CNTNAP5: variants seen among roughly 807,000 people sequenced by gnomAD.
CNTNAP5 encodes contactin-associated protein-like 5.
Under a neutral mutation model 150.2 loss-of-function variants are expected in CNTNAP5, and 72 were observed. That is an observed-to-expected ratio of 0.48 (90% CI 0.40 to 0.58). The LOEUF is 0.58. Ranked by LOEUF, CNTNAP5 falls within the 20% of genes least tolerant of loss-of-function variation. The pLI is 0.00. For missense variants in CNTNAP5, 1,636 were observed against 1,626.2 expected (o/e 1.01, Z -0.10); for synonymous variants, 672 against 619.8 (o/e 1.08, Z -1.25).
At chr2:124,725,590 T>C (rs72978585) in intron 13 of CNTNAP5, among the ~76,000 whole-genome samples, 1,705 of 152,006 alleles carry the variant, frequency 0.011, 41 homozygotes, top group African/African-American at 0.039. Context: ...ACTTAAGATT[T>C]ACTCTTTTGG....
chr2:124,642,886 A>G (rs1678122952), intron 12 of CNTNAP5, among the ~76,000 whole-genome samples: 1 of 152,184 alleles, frequency 6.6e-6, no homozygotes. Flanking sequence ...CAAAATCACA[A>G]TGCAACTTGG....
At chr2:124,216,375 T>TA (rs1299621231) in intron 1 of CNTNAP5, among the ~76,000 whole-genome samples, 1 of 152,158 alleles carries the variant, frequency 6.6e-6, no homozygotes, top group East Asian at 1.9e-4. Flanking sequence ...TTTTTAAGTT[T>TA]AAAAAATTCT....
chr2:124,193,612 C>T (rs1685508748), intron 1 of CNTNAP5, among the ~76,000 whole-genome samples: 1 of 152,194 alleles, frequency 6.6e-6, no homozygotes, highest in Non-Finnish European at 1.5e-5. Context: ...AAGCAAACAC[C>T]TTGTTATGAT....
In CNTNAP5 at chr2:124,370,606, A is replaced by G. The variant is rs535140181; in HGVS notation, c.382-46837A>G. Among the ~76,000 whole-genome samples, 23 of 152,238 alleles carry G rather than the reference A, an allele frequency of 1.5e-4. 1 individual carries two copies. In the South Asian group the frequency reaches 4.8e-3, roughly 32 times the overall value. On this transcript the variant is annotated intron_variant, in intron 3 of 23. Transcript: ENST00000682447. ...TTCCACTCCAGATCAAGGAACGGTA[A>G]ATTAGGGAAATAATGAATACGAAGT... is the stretch of plus-strand genomic sequence containing the variant.
intron 13 of CNTNAP5, among the ~76,000 whole-genome samples, chr2:124,658,204 G>T (rs1187128331): frequency 6.6e-6 from 1 of 152,136 alleles, no homozygotes. Flanking sequence ...GACCCTGGTG[G>T]GAGGAGAGCA....
chr2:124,883,870 G>T lies in CNTNAP5; in HGVS notation c.3436+14108G>T, dbSNP rs555793885. The stretch of plus-strand genomic sequence containing the variant: ...TGGATATCTATGTTTCTGCGTAGTT[G>T]TGTATATACATATGTCTGTGTGTGT... On this transcript the variant is annotated intron_variant, in intron 21 of 23. Transcript: ENST00000682447. 3.2e-4 allele frequency among the ~76,000 whole-genome samples: 49 copies of T among 152,224 alleles called. 1 individual carries two copies. The highest frequency in any genetic ancestry group is 5.6e-4 in the Non-Finnish European group (38 of 67,996).
chr2:124,536,497 C>A (rs543296883), intron 10 of CNTNAP5, among the ~76,000 whole-genome samples: 3 of 152,174 alleles, frequency 2.0e-5, no homozygotes, highest in Non-Finnish European at 4.4e-5. Context: ...AATTTGAGAA[C>A]CACCACGTTG....
intron 21 of CNTNAP5, among the ~76,000 whole-genome samples, chr2:124,888,256 T>C (rs1263608874): frequency 2.6e-5 from 4 of 152,168 alleles, no homozygotes; most frequent in Non-Finnish European, 5.9e-5. Context: ...GCTGTATCCA[T>C]GTTGCTGCAA....
intron 21 of CNTNAP5, among the ~76,000 whole-genome samples, chr2:124,886,166 G>T (rs1678075572): frequency 6.6e-6 from 1 of 152,152 alleles, no homozygotes; most frequent in South Asian, 2.1e-4. Flanking sequence ...TCCTACATTT[G>T]TGTATCCAAG....
At chr2:124,075,553 G>A (rs1682417173) in intron 1 of CNTNAP5, among the ~76,000 whole-genome samples, 1 of 152,018 alleles carries the variant, frequency 6.6e-6, no homozygotes. Context: ...TCTCCATTTG[G>A]CTTCCATTTA....
intron 1 of CNTNAP5, among the ~76,000 whole-genome samples, chr2:124,176,104 A>G (rs549429470): frequency 6.6e-6 from 1 of 152,256 alleles, no homozygotes; most frequent in African/African-American, 2.4e-5. Context: ...TTGCTTCCCC[A>G]TTTCCAGGAT....
intron 18 of CNTNAP5, among the ~76,000 whole-genome samples, chr2:124,797,547 A>G (rs1481864108): frequency 6.6e-6 from 1 of 152,142 alleles, no homozygotes; most frequent in Non-Finnish European, 1.5e-5. Context: ...TAAATTTCTT[A>G]TTTGCTGTTT....
At chr2:124,714,653 A>T (rs184555710) in intron 13 of CNTNAP5, among the ~76,000 whole-genome samples, 2 of 151,958 alleles carry the variant, frequency 1.3e-5, no homozygotes, top group African/African-American at 4.8e-5. Flanking sequence ...GAGTTCAATA[A>T]ATATATATTT....
intron 7 of CNTNAP5, among the ~76,000 whole-genome samples, chr2:124,480,301 T>C (rs1202385983): frequency 2.0e-5 from 3 of 152,264 alleles, no homozygotes; most frequent in Non-Finnish European, 4.4e-5. Flanking sequence ...AAGTGTTGCC[T>C]GATAGGCTTG....
At chr2:124,512,383 T>C (rs190963755) in intron 8 of CNTNAP5, among the ~76,000 whole-genome samples, 2 of 151,622 alleles carry the variant, frequency 1.3e-5, no homozygotes, top group African/African-American at 4.8e-5. Flanking sequence ...GAAGGGTGGG[T>C]GGGGGGAGAA....
intron 10 of CNTNAP5, among the ~76,000 whole-genome samples, chr2:124,555,593 T>C (rs1422637492): frequency 1.3e-5 from 2 of 152,220 alleles, no homozygotes; most frequent in Admixed American, 6.5e-5. Flanking sequence ...GTAGGTTAAA[T>C]GATTTTATTT....
intron 1 of CNTNAP5, among the ~76,000 whole-genome samples, chr2:124,193,731 T>G (rs183810798): frequency 6.6e-6 from 1 of 152,310 alleles, no homozygotes; most frequent in African/African-American, 2.4e-5. Flanking sequence ...CTACAATTAG[T>G]TTATGAAATG....
At chr2:124,295,025 G>A (rs1448631591) in intron 3 of CNTNAP5, among the ~76,000 whole-genome samples, 1 of 152,004 alleles carries the variant, frequency 6.6e-6, no homozygotes, top group Non-Finnish European at 1.5e-5. Flanking sequence ...GGAATTGCTT[G>A]AACCTGGGAG....
intron 19 of CNTNAP5, among the ~76,000 whole-genome samples, chr2:124,864,897 C>A (rs777972196): frequency 4.6e-5 from 7 of 152,092 alleles, no homozygotes; most frequent in Non-Finnish European, 7.4e-5. Flanking sequence ...ACTGAGTTCT[C>A]TTTCCAGTCC....
Sources: allele counts gnomAD v4.1 joint callset (sites outside exome capture counted in the v4.1 genomes callset), GRCh38; gene constraint gnomAD v4.1.1; transcripts MANE v1.5; gene names NCBI Gene and HGNC (gene_info 2026-07-23, HGNC 2026-07-21).